Variants in ATP6V1H observed in about 807,000 individuals in gnomAD.
ATP6V1H encodes the protein ATPase H+ transporting V1 subunit H.
In ATP6V1H, 39 loss-of-function variants were observed where a neutral mutation model predicts 71.7. The observed-to-expected ratio is 0.54, with a 90% CI of 0.42 to 0.71. The LOEUF (loss-of-function observed/expected upper bound fraction) is 0.71. Among genes scored for constraint, ATP6V1H ranks in the 30% least tolerant of loss-of-function variants. The probability of loss-of-function intolerance (pLI) is 0.00; values close to 1 mark genes in which losing one functional copy is unlikely to be tolerated. For synonymous variants in ATP6V1H, 192 were observed against 199.3 expected (o/e 0.96, Z 0.31); for missense variants, 509 against 594.9 (o/e 0.86, Z 1.50).
intron 12 of ATP6V1H, among the ~76,000 whole-genome samples, chr8:53,748,556 T>C (rs1807685938): frequency 6.6e-6 from 1 of 152,180 alleles, no homozygotes; most frequent in Admixed American, 6.5e-5. Context: ...AACTAGAGCA[T>C]GTGTACCTAT....
At chr8:53,782,715 C>T (rs1025162411) in intron 9 of ATP6V1H, among the ~76,000 whole-genome samples, 54 of 152,252 alleles carry the variant, frequency 3.5e-4, no homozygotes, top group African/African-American at 1.2e-3. Context: ...AGATACGTCC[C>T]ATCAATACCT....
chr8:53,771,839 G>A (rs1808669710), intron 10 of ATP6V1H, 150 bp downstream of exon 10: 1 of 658,732 alleles, frequency 1.5e-6, no homozygotes, highest in African/African-American at 1.8e-5. Flanking sequence ...TGCCATGTCA[G>A]AATGATGTCT....
intron 7 of ATP6V1H, among the ~76,000 whole-genome samples, chr8:53,809,641 C>G (rs550280341): frequency 6.6e-6 from 1 of 152,312 alleles, no homozygotes; most frequent in African/African-American, 2.4e-5. Flanking sequence ...ATAAGGATGT[C>G]ATGTCAGCAG....
chr8:53,828,329 A>G (rs769847944), intron 4 of ATP6V1H, among the ~76,000 whole-genome samples: 1 of 152,196 alleles, frequency 6.6e-6, no homozygotes, highest in Non-Finnish European at 1.5e-5. Flanking sequence ...ACACATACGG[A>G]AAGGAGAGAC....
intron 9 of ATP6V1H, among the ~76,000 whole-genome samples, chr8:53,794,806 C>T (rs947716502): frequency 1.3e-5 from 2 of 152,158 alleles, no homozygotes; most frequent in African/African-American, 2.4e-5. Flanking sequence ...GTATTCCCAA[C>T]GTATAGCAAA....
At chr8:53,737,059 C>G (rs1807237579) in intron 13 of ATP6V1H, among the ~76,000 whole-genome samples, 1 of 152,340 alleles carries the variant, frequency 6.6e-6, no homozygotes, top group South Asian at 2.1e-4. Context: ...TGATCACAAT[C>G]CTTTCACATG....
chr8:53,831,240 C>G (rs575455959), intron 3 of ATP6V1H, among the ~76,000 whole-genome samples: 9 of 152,356 alleles, frequency 5.9e-5, no homozygotes, highest in Admixed American at 4.6e-4. Context: ...TGTACTTACA[C>G]AAACCCAGAT....
intron 13 of ATP6V1H, among the ~76,000 whole-genome samples, chr8:53,732,969 T>C (rs1338585694): frequency 6.6e-6 from 1 of 152,142 alleles, no homozygotes; most frequent in African/African-American, 2.4e-5. Flanking sequence ...GCTCGAGCTA[T>C]GCAAATGCCC....
rs533197041 is a variant in ATP6V1H at position 53,785,441 on chromosome 8, A to G, written c.870+10206T>C. 2.2e-3 allele frequency among the ~76,000 whole-genome samples: 339 copies of G among 152,102 alleles called. 2 individuals are homozygous for G. The highest frequency in any genetic ancestry group is 7.9e-3 in the African/African-American group (328 of 41,496). On this transcript the variant is annotated intron_variant, in intron 9 of 13. Transcript: ENST00000359530. ...GGTTATTCTAGTTAGCCATTCGTCT[A>G]ATTTTTTTTCAAGGTTTTTAACTTC...
At chr8:53,806,655 C>A in intron 7 of ATP6V1H, 1 of 188,400 alleles carries the variant, frequency 5.3e-6, no homozygotes, top group Non-Finnish European at 1.1e-5. Context: ...CTGATAAATA[C>A]ATAGTATTAG....
At chr8:53,777,086 A>T (rs1451806775) in intron 9 of ATP6V1H, among the ~76,000 whole-genome samples, 1 of 152,206 alleles carries the variant, frequency 6.6e-6, no homozygotes, top group Non-Finnish European at 1.5e-5. Flanking sequence ...GTGCAATATC[A>T]AAAGGTCTAA....
intron 7 of ATP6V1H, among the ~76,000 whole-genome samples, chr8:53,808,984 T>C (rs1396902970): frequency 6.6e-6 from 1 of 152,152 alleles, no homozygotes; most frequent in African/African-American, 2.4e-5. Context: ...ACTGCTTTTC[T>C]CCACTCTGAA....
chr8:53,725,630 A>T (rs1016097196), intron 13 of ATP6V1H, among the ~76,000 whole-genome samples: 1 of 150,658 alleles, frequency 6.6e-6, no homozygotes, highest in Non-Finnish European at 1.5e-5. Context: ...AACAAAATAA[A>T]GTTTAACAAC....
At chr8:53,789,852 T>C (rs1809514015) in intron 9 of ATP6V1H, among the ~76,000 whole-genome samples, 1 of 152,170 alleles carries the variant, frequency 6.6e-6, no homozygotes, top group Non-Finnish European at 1.5e-5. Flanking sequence ...TACTATTCAC[T>C]TCCACATTAA....
intron 7 of ATP6V1H, among the ~76,000 whole-genome samples, chr8:53,807,420 C>G (rs1292484787): frequency 6.6e-6 from 1 of 151,656 alleles, no homozygotes; most frequent in Non-Finnish European, 1.5e-5. Context: ...GCCAACATGG[C>G]GAAACCCCCA....
chr8:53,781,040 C>G (rs1809106388), intron 9 of ATP6V1H, among the ~76,000 whole-genome samples: 1 of 152,122 alleles, frequency 6.6e-6, no homozygotes, highest in Non-Finnish European at 1.5e-5. Flanking sequence ...ATTTATAATC[C>G]TTTGGGTATA....
At chr8:53,806,434 GAT>G (rs981207832) in intron 7 of ATP6V1H, among the ~76,000 whole-genome samples, 1 of 151,564 alleles carries the variant, frequency 6.6e-6, no homozygotes, top group Non-Finnish European at 1.5e-5. Context: ...TCTAAATGAA[GAT>G]AGTTTCACCA....
intron 2 of ATP6V1H, among the ~76,000 whole-genome samples, chr8:53,835,500 A>T (rs762990573): frequency 6.6e-6 from 1 of 152,222 alleles, no homozygotes; most frequent in Admixed American, 6.5e-5. Context: ...ATTATTACAT[A>T]TTCAAAAATC....
At chr8:53,758,580 C>T (rs1350032569) in intron 11 of ATP6V1H, among the ~76,000 whole-genome samples, 1 of 152,314 alleles carries the variant, frequency 6.6e-6, no homozygotes, top group East Asian at 1.9e-4. Context: ...CCTTAAAAGC[C>T]CACTTGTAAC....
Sources: allele counts gnomAD v4.1 joint callset (sites outside exome capture counted in the v4.1 genomes callset), GRCh38; gene constraint gnomAD v4.1.1; transcripts MANE v1.5; gene names NCBI Gene and HGNC (gene_info 2026-07-23, HGNC 2026-07-21).